CDH12: variants seen among roughly 807,000 people sequenced by gnomAD.
CDH12 encodes the protein cadherin-12.
Under a neutral mutation model 74.1 loss-of-function variants are expected in CDH12, and 41 were observed. The observed-to-expected ratio is 0.55, with a 90% CI of 0.43 to 0.72. The LOEUF (loss-of-function observed/expected upper bound fraction) is 0.72. Ranked by LOEUF, CDH12 falls within the 30% of genes least tolerant of loss-of-function variation. The pLI is 0.00. For missense variants in CDH12, 945 were observed against 977.2 expected (o/e 0.97, Z 0.44); for synonymous variants, 399 against 355.0 (o/e 1.12, Z -1.39).
chr5:21,824,207 AT>A (rs148266980), intron 8 of CDH12, among the ~76,000 whole-genome samples: 4 of 151,526 alleles, frequency 2.6e-5, no homozygotes, highest in Non-Finnish European at 4.4e-5. Flanking sequence ...CAAATTTTTA[AT>A]TTTTTTTTCA....
intron 5 of CDH12, among the ~76,000 whole-genome samples, chr5:22,046,139 A>C (rs939839539): frequency 8.5e-5 from 13 of 152,312 alleles, no homozygotes; most frequent in Non-Finnish European, 1.2e-4. Flanking sequence ...TACTTGTTCA[A>C]GTAGTGTAGA....
intron 1 of CDH12, among the ~76,000 whole-genome samples, chr5:22,786,840 T>C (rs897257489): frequency 2.0e-5 from 3 of 151,932 alleles, no homozygotes; most frequent in Non-Finnish European, 4.4e-5. Context: ...TGCCTCAGCC[T>C]CCCAAGTAGC....
chr5:22,259,936 A>G (rs1481532234), intron 3 of CDH12, among the ~76,000 whole-genome samples: 2 of 152,030 alleles, frequency 1.3e-5, no homozygotes, highest in African/African-American at 2.4e-5. Context: ...CAGTGCTATA[A>G]TTTACCATAC....
chr5:22,404,800 G>T (rs1742869423), intron 3 of CDH12, among the ~76,000 whole-genome samples: 1 of 152,174 alleles, frequency 6.6e-6, no homozygotes, highest in Admixed American at 6.5e-5. Flanking sequence ...TTGGTAACTA[G>T]CACAGTGTTG....
At chr5:21,857,229 G>A (rs570348267) in intron 6 of CDH12, among the ~76,000 whole-genome samples, 1 of 151,962 alleles carries the variant, frequency 6.6e-6, no homozygotes, top group East Asian at 1.9e-4. Flanking sequence ...TGTTTAATGT[G>A]CCACAAGGAA....
chr5:22,195,439 T>TTGAATTG (rs1193388152), intron 4 of CDH12, among the ~76,000 whole-genome samples: 3 of 152,232 alleles, frequency 2.0e-5, no homozygotes, highest in African/African-American at 7.2e-5. Flanking sequence ...TGTCAATGTG[T>TTGAATTG]TGAATTGTAA....
chr5:22,315,424 G>A (rs10941947), intron 3 of CDH12, among the ~76,000 whole-genome samples: 1 of 152,010 alleles, frequency 6.6e-6, no homozygotes. Context: ...CTATAAATAA[G>A]AAACGAGAGG....
intron 6 of CDH12, among the ~76,000 whole-genome samples, chr5:21,932,946 A>G (rs1436215698): frequency 6.7e-6 from 1 of 150,144 alleles, no homozygotes; most frequent in Non-Finnish European, 1.5e-5. Context: ...CCACGTACAA[A>G]ACTCTCACTT....
chr5:21,919,678 G>A (rs1353085246), intron 6 of CDH12, among the ~76,000 whole-genome samples: 2 of 152,036 alleles, frequency 1.3e-5, no homozygotes, highest in Non-Finnish European at 2.9e-5. Flanking sequence ...CCGGAGAAAC[G>A]GACTGATAAA....
intron 3 of CDH12, among the ~76,000 whole-genome samples, chr5:22,342,579 C>A (rs1246413172): frequency 9.1e-6 from 1 of 109,460 alleles, no homozygotes; most frequent in African/African-American, 3.3e-5. Context: ...TCCCTCCCTC[C>A]ATCCTTCCTT....
intron 1 of CDH12, among the ~76,000 whole-genome samples, chr5:22,599,554 G>A (rs1253271504): frequency 1.3e-5 from 2 of 151,450 alleles, no homozygotes; most frequent in African/African-American, 4.9e-5. Context: ...GATATAGAAG[G>A]TATTTTCATT....
At chr5:22,161,536 T>C (rs1748350420) in intron 4 of CDH12, among the ~76,000 whole-genome samples, 2 of 151,314 alleles carry the variant, frequency 1.3e-5, no homozygotes, top group South Asian at 2.1e-4. Flanking sequence ...GTCTGTATCA[T>C]AATAATAATA....
chr5:21,773,816 CT>C (rs202195604), intron 11 of CDH12, among the ~76,000 whole-genome samples: 4,759 of 152,100 alleles, frequency 0.031, 90 homozygotes, highest in Middle Eastern at 0.058. Context: ...TCTTTATTTC[CT>C]TTTTTTCTTT....
chr5:21,837,161 A>C (rs2149979785), intron 8 of CDH12, among the ~76,000 whole-genome samples: 1 of 152,178 alleles, frequency 6.6e-6, no homozygotes, highest in Middle Eastern at 3.4e-3. Flanking sequence ...ATATATATGC[A>C]ACTCACTTTC....
chr5:21,979,922 A>G (rs1264402842), intron 5 of CDH12, among the ~76,000 whole-genome samples: 2 of 151,628 alleles, frequency 1.3e-5, no homozygotes, highest in Non-Finnish European at 2.9e-5. Context: ...AAGTGTTCCT[A>G]TTTCTCCACA....
chr5:22,414,192 C>T (rs975720733), intron 2 of CDH12, among the ~76,000 whole-genome samples: 34 of 152,046 alleles, frequency 2.2e-4, no homozygotes, highest in Admixed American at 9.2e-4. Context: ...CATAACTCTA[C>T]ATAATCAAAA....
chr5:22,471,879 T>C (rs1745973247), intron 2 of CDH12, among the ~76,000 whole-genome samples: 1 of 152,228 alleles, frequency 6.6e-6, no homozygotes, highest in Non-Finnish European at 1.5e-5. Context: ...ATAGTTCTTC[T>C]GGCTTTTGTT....
At chr5:22,334,430 C>G (rs556986371) in intron 3 of CDH12, among the ~76,000 whole-genome samples, 1 of 152,032 alleles carries the variant, frequency 6.6e-6, no homozygotes, top group East Asian at 1.9e-4. Flanking sequence ...TCCATACTAC[C>G]CAAAGCAATC....
At chr5:21,810,651 A>C (rs1307144045) in intron 9 of CDH12, among the ~76,000 whole-genome samples, 1 of 152,166 alleles carries the variant, frequency 6.6e-6, no homozygotes, top group Non-Finnish European at 1.5e-5. Flanking sequence ...GCTAAGTTAC[A>C]GTTGATGAGA....
Sources: gnomAD v4.1 joint callset for allele counts (sites outside exome capture counted in the v4.1 genomes callset) on GRCh38, gnomAD v4.1.1 for gene constraint, MANE v1.5 for transcripts, NCBI Gene and HGNC (gene_info 2026-07-23, HGNC 2026-07-21) for gene names.